Variants in ZC3H12A observed in about 807,000 individuals in gnomAD.
ZC3H12A encodes the protein zinc finger CCCH-type containing 12A.
ZC3H12A carries 9 observed loss-of-function variants against 29.9 expected under a neutral mutation model. The observed-to-expected ratio is 0.30, with a 90% CI of 0.18 to 0.53. The LOEUF (loss-of-function observed/expected upper bound fraction) is 0.53. Among genes scored for constraint, ZC3H12A ranks in the 20% least tolerant of loss-of-function variants. The pLI is 0.96. For synonymous variants in ZC3H12A, 323 were observed against 338.1 expected (o/e 0.96, Z 0.49); for missense variants, 617 against 799.0 (o/e 0.77, Z 2.75).
Position 37,480,315 on chromosome 1 carries a change from T to G in ZC3H12A, c.469T>G (p.Cys157Gly). ...MSHGNKEVFS[C>G]RGILLAVNWF... ...CCATGGGAACAAGGAGGTCTTCTCC[T>G]GCCGGGGCATCCTGCTGGCAGTGAA... Residue 157 changes from cysteine to glycine, a missense_variant, in exon 3 of 6, where the codon TGC (cysteine) becomes GGC (glycine). Coordinates refer to ENST00000373087, the MANE Select transcript of ZC3H12A (RefSeq NM_025079.3). 6.2e-7 allele frequency: 1 copy of G among 1,613,978 alleles called. No homozygotes were observed. Among genetic ancestry groups the G allele is most frequent in the Non-Finnish European group, 8.5e-7 (1 of 1,179,908 alleles).
intron 5 of ZC3H12A, 25 bp downstream of exon 5, chr1:37,482,565 C>T (rs767302258): frequency 9.3e-6 from 15 of 1,612,304 alleles, no homozygotes; most frequent in Middle Eastern, 1.6e-4. Context: ...CTGCCCTCCC[C>T]GGCCCTCCTC....
In ZC3H12A at chr1:37,481,824, C is replaced by A. The variant is rs745695390; in HGVS notation, c.807C>A (p.Phe269Leu). Residue 269 changes from phenylalanine (F) to leucine (L), a missense_variant, in exon 4 of 6, where the codon TTC becomes TTA. Phe to Leu is a conservative substitution (Grantham distance 22). Around this residue, in one of 5 missense-constraint regions of ZC3H12A, gnomAD observed 255 missense variants for 402.5 expected, o/e 0.63. Coordinates refer to ENST00000373087, the MANE Select transcript of ZC3H12A (RefSeq NM_025079.3). ...AGGAGCGGCTGCTCATGTACTCCTT[C>A]GTCAATGACAAGTATGTTCCCTCCC... ...FIEERLLMYS[F>L]VNDKFMPPDD... The A allele has an allele frequency of 5.0e-6, 8 of 1,613,726 alleles. No homozygotes were observed. The Admixed American group carries it at 1.3e-4, about 27-fold the overall frequency.
chr1:37,477,937 C>A (rs1641623607), intron 2 of ZC3H12A, among the ~76,000 whole-genome samples: 1 of 152,108 alleles, frequency 6.6e-6, no homozygotes, highest in Non-Finnish European at 1.5e-5. Flanking sequence ...TGCTGAGAAC[C>A]GACTTGTCCC....
chr1:37,474,780 C>T (rs1170155687), intron 1 of ZC3H12A, among the ~76,000 whole-genome samples, 151 bp downstream of exon 1: 1 of 152,016 alleles, frequency 6.6e-6, no homozygotes, highest in African/African-American at 2.4e-5. Flanking sequence ...TGTTCCCCGG[C>T]CCGCCGGGCC....
chr1:37,478,983 G>A lies in ZC3H12A; in HGVS notation c.444-1307G>A. The A allele has an allele frequency of 7.1e-6, 7 of 985,060 alleles. No individual in the cohort carries two copies. The highest frequency in any genetic ancestry group is 8.4e-6 in the Non-Finnish European group (7 of 829,850). The allele number at this position is 985,060 out of a possible 1,614,324, so 61.0% of individuals were successfully genotyped here. ...GTCTTGCCCCCAAATAGCCTCCATGGCCCCCAGCTGCCCCACCTCCCTCCC... is the reference window on the plus strand; with the variant it reads ...GTCTTGCCCCCAAATAGCCTCCATGACCCCCAGCTGCCCCACCTCCCTCCC... On this transcript the variant is annotated intron_variant, in intron 2 of 5. Coordinates refer to ENST00000373087, the MANE Select transcript of ZC3H12A (RefSeq NM_025079.3). The surrounding 1 kb of genome is among the most constrained non-coding windows in gnomAD (Gnocchi z 5.2).
intron 4 of ZC3H12A, among the ~76,000 whole-genome samples, chr1:37,482,174 G>A (rs900241320): frequency 4.6e-5 from 7 of 152,172 alleles, no homozygotes; most frequent in Non-Finnish European, 7.4e-5. Context: ...CAGTGGGTGC[G>A]GGCTGCCATC....
chr1:37,481,208 G>GAGCCAAGAT (rs1641694586), intron 3 of ZC3H12A, among the ~76,000 whole-genome samples: 2 of 152,356 alleles, frequency 1.3e-5, no homozygotes, highest in South Asian at 4.1e-4. Flanking sequence ...GCAAGGGACA[G>GAGCCAAGAT]AGCCAAGATA....
In ZC3H12A at chr1:37,483,520, A is replaced by G; in HGVS notation, c.1709A>G (p.Glu570Gly). 1 of 1,613,892 alleles carries G rather than the reference A, an allele frequency of 6.2e-7. No homozygotes were observed. The highest frequency in any genetic ancestry group is 8.5e-7 in the Non-Finnish European group (1 of 1,179,918). Residue 570 changes from glutamate to glycine, a missense_variant, in exon 6 of 6, where the codon GAG (glutamate) becomes GGG (glycine). This residue lies in a region of ZC3H12A where 172 missense variants were observed against 203.1 expected (regional missense o/e 0.85). Transcript: ENST00000373087. ...LCGVFPPHLV[E>G]AVMGRFPQLL... ...GGTGTGTTTCCCCCGCACCTGGTGG[A>G]GGCTGTGATGGGGCGCTTCCCACAG...
At chr1:37,480,141 G>A (rs1408246635) in intron 2 of ZC3H12A, 149 bp from the exon 3 acceptor site, 2 of 1,385,548 alleles carry the variant, frequency 1.4e-6, no homozygotes, top group Non-Finnish European at 1.9e-6. Flanking sequence ...AGGGGAAGGG[G>A]CTGGTGACTC....
rs369887349 is a variant in ZC3H12A, at chr1:37,482,462, C to T, written c.847C>T (p.Arg283Trp). The change falls in exon 5 of 6, where the codon CGG (arginine) becomes TGG (tryptophan). Residue 283 changes from arginine (R) to tryptophan (W), a missense_variant. Physicochemically the swap from Arg to Trp is moderately radical, Grantham distance 101. Coordinates refer to ENST00000373087, the MANE Select transcript of ZC3H12A (RefSeq NM_025079.3). Reference sequence around the variant, plus strand: ...TATGCCCCCTGATGACCCACTGGGCCGGCACGGGCCCAGCCTGGACAACTT... The same window carrying T: ...TATGCCCCCTGATGACCCACTGGGCTGGCACGGGCCCAGCCTGGACAACTT... ...KFMPPDDPLG[R>W]HGPSLDNFLR... 18 of 1,613,782 alleles carry T rather than the reference C, an allele frequency of 1.1e-5. No individual in the cohort carries two copies. Among genetic ancestry groups the T allele is most frequent in the East Asian group, 2.2e-5 (1 of 44,870 alleles).
chr1:37,482,979 C>T lies in ZC3H12A; in HGVS notation c.1168C>T (p.Arg390Cys), dbSNP rs947348888. ...GGGGGCCCAGGCATCCCCAGGGTCC[C>T]GCCAAGAGGGTCTAACACAGACCTA... ...KLGAQASPGS[R>C]QEGLTQTYAP... The change falls in exon 6 of 6, where the codon CGC becomes TGC. Residue 390 changes from arginine to cysteine, a missense_variant. Arg to Cys is a radical substitution (Grantham distance 180). Coordinates refer to ENST00000373087, the MANE Select transcript of ZC3H12A (RefSeq NM_025079.3). The T allele has an allele frequency of 2.5e-6, 4 of 1,611,560 alleles. No individual in the cohort carries two copies. The highest frequency in any genetic ancestry group is 1.7e-6 in the Non-Finnish European group (2 of 1,179,100).
chr1:37,474,694 C>A (rs1321622599), intron 1 of ZC3H12A, 65 bp downstream of exon 1: 2 of 151,048 alleles, frequency 1.3e-5, no homozygotes, highest in African/African-American at 4.9e-5. Flanking sequence ...CCGGCGGGGT[C>A]CGAGCCGAGC....
chr1:37,479,145 T>C lies in ZC3H12A; in HGVS notation c.444-1145T>C. Reference sequence around the variant, plus strand: ...GTTTTATTTGCCAAATACGAGAGTCTAAGCTGTTCACTGAGGGGGCAGTGA... The same window carrying C: ...GTTTTATTTGCCAAATACGAGAGTCCAAGCTGTTCACTGAGGGGGCAGTGA... On this transcript the variant is annotated intron_variant, in intron 2 of 5. Coordinates refer to ENST00000373087, the MANE Select transcript of ZC3H12A (RefSeq NM_025079.3). The surrounding 1 kb of genome is among the most constrained non-coding windows in gnomAD (Gnocchi z 4.5). 2.0e-6 allele frequency: 2 copies of C among 985,452 alleles called. No homozygotes were observed. Among genetic ancestry groups the C allele is most frequent in the Non-Finnish European group, 2.4e-6 (2 of 829,940 alleles). 61.0% of individuals were successfully genotyped at this position (985,452 alleles called of 1,614,324 possible). A position where few individuals can be genotyped will look rare whatever the true frequency, so the allele number is the denominator to read the frequency against.
chr1:37,478,955 C>G lies in ZC3H12A; in HGVS notation c.444-1335C>G. 1.0e-6 allele frequency: 1 copy of G among 985,288 alleles called. No homozygotes were observed. The highest frequency in any genetic ancestry group is 1.2e-6 in the Non-Finnish European group (1 of 829,906). The allele number at this position is 985,288 out of a possible 1,614,324, so 61.0% of individuals were successfully genotyped here. ...TTAGAGACCTTCAGACCCTGGTGCC[C>G]CAGTCTTGCCCCCAAATAGCCTCCA... On this transcript the variant is annotated intron_variant, in intron 2 of 5. Transcript: ENST00000373087. The surrounding 1 kb of genome is among the most constrained non-coding windows in gnomAD (Gnocchi z 5.2).
At position 37,476,004 on chromosome 1, in the gene ZC3H12A, G is replaced by A. The variant is rs1373289093; in HGVS notation, c.443+65G>A. On this transcript the variant is annotated intron_variant, in intron 2 of 5. Coordinates refer to ENST00000373087, the MANE Select transcript of ZC3H12A (RefSeq NM_025079.3). The surrounding 1 kb of genome is among the most constrained non-coding windows in gnomAD (Gnocchi z 6.0). ...ATCTCTCCTGTGGCCAGGACACATG[G>A]AAGGATGACTGTCTCTGCAGCTCTG... The A allele has an allele frequency of 1.3e-5, 18 of 1,408,854 alleles. No individual in the cohort carries two copies. The highest frequency in any genetic ancestry group is 1.5e-5 in the Non-Finnish European group (16 of 1,070,044). 87.3% of individuals were successfully genotyped at this position (1,408,854 alleles called of 1,614,324 possible).
In ZC3H12A at chr1:37,483,331, C is replaced by T. The variant is rs955813624; in HGVS notation, c.1520C>T (p.Pro507Leu). 6.2e-7 allele frequency: 1 copy of T among 1,614,034 alleles called. No individual in the cohort carries two copies. The highest frequency in any genetic ancestry group is 1.3e-5 in the African/African-American group (1 of 74,926). Reference sequence around the variant, plus strand: ...CCTGCCGACTACCCACCCGCGCCCCCTGCCTTTCCACCTCGAGAGTACTGG... The same window carrying T: ...CCTGCCGACTACCCACCCGCGCCCCTTGCCTTTCCACCTCGAGAGTACTGG... ...SVPADYPPAP[P>L]AFPPREYWSE... The change falls in exon 6 of 6, where the codon CCT (proline) becomes CTT (leucine). Residue 507 changes from proline to leucine, a missense_variant. Transcript: ENST00000373087.
Position 37,478,967 on chromosome 1 carries a change from C to T in ZC3H12A, c.444-1323C>T. The T allele has an allele frequency of 1.0e-6, 1 of 985,302 alleles. No individual in the cohort carries two copies. Among genetic ancestry groups the T allele is most frequent in the Non-Finnish European group, 1.2e-6 (1 of 829,900 alleles). 61.0% of individuals were successfully genotyped at this position (985,302 alleles called of 1,614,324 possible). A position where few individuals can be genotyped will look rare whatever the true frequency, so the allele number is the denominator to read the frequency against. On this transcript the variant is annotated intron_variant, in intron 2 of 5. Transcript: ENST00000373087. The surrounding 1 kb of genome is among the most constrained non-coding windows in gnomAD (Gnocchi z 5.2). Reference sequence around the variant, plus strand: ...AGACCCTGGTGCCCCAGTCTTGCCCCCAAATAGCCTCCATGGCCCCCAGCT... The same window carrying T: ...AGACCCTGGTGCCCCAGTCTTGCCCTCAAATAGCCTCCATGGCCCCCAGCT...
In ZC3H12A at chr1:37,483,155, G is replaced by A. The variant is rs139437670; in HGVS notation, c.1344G>A (p.Ser448=). The A allele has an allele frequency of 4.2e-4, 671 of 1,613,552 alleles. 2 individuals are homozygous for A. In the African/African-American group the frequency reaches 7.2e-3, roughly 17 times the overall value. ...SGIGSLESQM[S]ELWGVRGGGP... The stretch of plus-strand genomic sequence containing the variant: ...TTGGCTCCCTGGAGAGCCAGATGTC[G>A]GAACTTTGGGGGGTTCGAGGAGGAG... The change falls in exon 6 of 6, where the codon TCG becomes TCA. Residue 448 remains serine (S), a synonymous_variant. Coordinates refer to ENST00000373087, the MANE Select transcript of ZC3H12A (RefSeq NM_025079.3).
At position 37,483,392 on chromosome 1, in the gene ZC3H12A, C is replaced by A. The variant is rs372224568; in HGVS notation, c.1581C>A (p.Val527=). 6.2e-6 allele frequency: 10 copies of A among 1,613,938 alleles called. No individual in the cohort carries two copies. The highest frequency in any genetic ancestry group is 1.7e-5 in the Admixed American group (1 of 60,002). ...ACCCACTGCCCCCACCCACATCAGT[C>A]CTTCAGGAGCCCCCAGTGCAGAGCC... is the stretch of plus-strand genomic sequence containing the variant. The part of the protein sequence containing the change: ...EPYPLPPPTS[V]LQEPPVQSPG... Residue 527 remains valine (V), a synonymous_variant, in exon 6 of 6, where the codon GTC becomes GTA. Transcript: ENST00000373087.
Sources: gnomAD v4.1 joint callset for allele counts (sites outside exome capture counted in the v4.1 genomes callset) on GRCh38, gnomAD v4.1.1 for gene constraint, gnomAD v4.1.1 regional missense constraint, Gnocchi (gnomAD v3.1) non-coding constraint, MANE v1.5 for transcripts, NCBI Gene and HGNC (gene_info 2026-07-23, HGNC 2026-07-21) for gene names.